The following SLC14A2 variants were observed in gnomAD, a reference collection of about 807,000 sequenced individuals.
SLC14A2 encodes solute carrier family 14 member 2, also known as urea transporter 2.
Under a neutral mutation model 104.6 loss-of-function variants are expected in SLC14A2, and 91 were observed. That is an observed-to-expected ratio of 0.87 (90% CI 0.73 to 1.04). The LOEUF is 1.04. SLC14A2 is among the 50% of genes least tolerant of loss of function. The pLI is 0.00. For missense variants in SLC14A2, 1,189 were observed against 1,156.0 expected (o/e 1.03, Z -0.41); for synonymous variants, 476 against 466.4 (o/e 1.02, Z -0.27).
chr18:45,507,935 C>T (rs942634653), intron 2 of SLC14A2, among the ~76,000 whole-genome samples: 2 of 152,194 alleles, frequency 1.3e-5, no homozygotes, highest in African/African-American at 4.8e-5. Flanking sequence ...CAATCTGGGG[C>T]CATCTGGCAA....
chr18:45,177,367 G>A, the SLC14A2 span, among the ~76,000 whole-genome samples: 7 of 152,266 alleles, frequency 4.6e-5, no homozygotes, highest in South Asian at 6.2e-4. Flanking sequence ...CCTGGTTAGC[G>A]GCATTTCATT....
intron 1 of SLC14A2, among the ~76,000 whole-genome samples, chr18:45,229,731 C>T (rs2084156302): frequency 6.6e-6 from 1 of 152,144 alleles, no homozygotes; most frequent in Non-Finnish European, 1.5e-5. Flanking sequence ...TTACTTGAGC[C>T]ACATAGTGGT....
At chr18:45,483,352 T>C (rs769091292) in intron 2 of SLC14A2, 53 of 152,180 alleles carry the variant, frequency 3.5e-4, no homozygotes, top group Admixed American at 7.2e-4. Context: ...TGCTTCTGTG[T>C]TTGTGTCTTC....
At chr18:45,682,218 C>A in intron 19 of SLC14A2, 101 bp from the exon 20 acceptor site, 2 of 977,468 alleles carry the variant, frequency 2.0e-6, no homozygotes, top group Non-Finnish European at 3.3e-6. Flanking sequence ...GCCCTCAAAG[C>A]AGTCCCTCAT....
At chr18:45,650,036 T>C (rs2045703923) in intron 10 of SLC14A2, among the ~76,000 whole-genome samples, 1 of 152,216 alleles carries the variant, frequency 6.6e-6, no homozygotes, top group Admixed American at 6.5e-5. Flanking sequence ...CATCTCTTCC[T>C]TTTTCTGTTT....
Position 45,261,373 on chromosome 18 carries a change from A to G in SLC14A2, c.-125+48182A>G, listed in dbSNP as rs1053210221. Among the ~76,000 whole-genome samples the G allele has an allele frequency of 6.6e-5, 10 of 151,396 alleles. No individual in the cohort carries two copies. In the East Asian group the frequency reaches 1.8e-3, roughly 27 times the overall value. ...ATTTTTTATGGCTGCATAGTATTCT[A>G]TGGTGTATATGTGCCACATTTTCTT... On this transcript the variant is annotated intron_variant, in intron 1 of 20. Coordinates refer to the SLC14A2 transcript ENST00000586448.
chr18:45,417,973 T>G (rs1442048442), intron 1 of SLC14A2, among the ~76,000 whole-genome samples: 1 of 152,182 alleles, frequency 6.6e-6, no homozygotes, highest in Non-Finnish European at 1.5e-5. Context: ...GCTAAATGAT[T>G]GGATGTGAAG....
At chr18:45,664,696 C>G (rs79149700) in intron 11 of SLC14A2, among the ~76,000 whole-genome samples, 4 of 152,158 alleles carry the variant, frequency 2.6e-5, no homozygotes, top group Admixed American at 6.5e-5. Context: ...CCAGCTCCCC[C>G]AAGTCTCATC....
At chr18:45,343,035 T>A (rs1320004105) in intron 1 of SLC14A2, among the ~76,000 whole-genome samples, 1 of 152,056 alleles carries the variant, frequency 6.6e-6, no homozygotes, top group African/African-American at 2.4e-5. Flanking sequence ...TTGCCAAGAC[T>A]AGCAGTAGCG....
At chr18:45,475,625 T>TATATATATATATATATATTTAGG (rs1555693757) in intron 1 of SLC14A2, among the ~76,000 whole-genome samples, 2 of 94,536 alleles carry the variant, frequency 2.1e-5, no homozygotes, top group Non-Finnish European at 4.3e-5. Flanking sequence ...TTAGGATATA[T>TATATATATATATATATATTTAGG]ATATATATAT....
At chr18:45,290,775 T>G (rs1278177497) in intron 1 of SLC14A2, among the ~76,000 whole-genome samples, 2 of 139,810 alleles carry the variant, frequency 1.4e-5, no homozygotes, top group Non-Finnish European at 3.1e-5. Context: ...CATCTGTTTA[T>G]TTTTAGTTAT....
chr18:45,234,438 C>G (rs144870559), intron 1 of SLC14A2, among the ~76,000 whole-genome samples: 145 of 152,292 alleles, frequency 9.5e-4, no homozygotes, highest in Non-Finnish European at 1.5e-3. Context: ...TTTAAAACTA[C>G]TGATTTTAGT....
chr18:45,200,664 T>A, the SLC14A2 span, among the ~76,000 whole-genome samples: 1 of 152,170 alleles, frequency 6.6e-6, no homozygotes, highest in African/African-American at 2.4e-5. Context: ...GGAACAAATT[T>A]TAGTTTTTCA....
intron 6 of SLC14A2, 91 bp from the exon 7 acceptor site, chr18:45,639,655 C>T (rs1056841593): frequency 1.3e-5 from 17 of 1,284,968 alleles, no homozygotes; most frequent in Non-Finnish European, 1.9e-5. Context: ...CACTCCATTA[C>T]TCCCCCGAGG....
chr18:45,268,840 T>G (rs1174055295), intron 1 of SLC14A2, among the ~76,000 whole-genome samples: 5 of 151,966 alleles, frequency 3.3e-5, no homozygotes, highest in Admixed American at 3.3e-4. Flanking sequence ...ATTGAGAAAG[T>G]CTATTGTCCA....
intron 1 of SLC14A2, among the ~76,000 whole-genome samples, chr18:45,405,149 G>C (rs1224627726): frequency 6.6e-6 from 1 of 152,202 alleles, no homozygotes; most frequent in African/African-American, 2.4e-5. Context: ...AGTCTGGGAA[G>C]TTGCAGAACA....
chr18:45,654,718 T>C (rs914513763), intron 10 of SLC14A2, among the ~76,000 whole-genome samples: 6 of 152,184 alleles, frequency 3.9e-5, no homozygotes, highest in African/African-American at 1.4e-4. Flanking sequence ...TAAATGAGGC[T>C]GGACAAAAGT....
At chr18:45,520,794 A>T in intron 2 of SLC14A2, among the ~76,000 whole-genome samples, 1 of 152,204 alleles carries the variant, frequency 6.6e-6, no homozygotes, top group East Asian at 1.9e-4. Context: ...GACCAGAGAG[A>T]ACAATCTATC....
intron 9 of SLC14A2, 124 bp downstream of exon 9, chr18:45,643,305 T>TCTCTGTTACCAGCAGCAG (rs777700273): frequency 4.8e-6 from 4 of 828,332 alleles, no homozygotes; most frequent in Non-Finnish European, 8.2e-6. Flanking sequence ...TCACACGACA[T>TCTCTGTTACCAGCAGCAG]CTCTGTTAAG....
Sources: allele counts gnomAD v4.1 joint callset (sites outside exome capture counted in the v4.1 genomes callset), GRCh38; gene constraint gnomAD v4.1.1; transcripts MANE v1.5; gene names NCBI Gene and HGNC (gene_info 2026-07-23, HGNC 2026-07-21).